The following SH3D19 variants were observed in gnomAD, a reference collection of about 807,000 sequenced individuals.
SH3D19 encodes SH3 domain-containing protein 19.
SH3D19 carries 58 observed loss-of-function variants against 112.1 expected under a neutral mutation model. That is an observed-to-expected ratio of 0.52 (90% confidence interval 0.42 to 0.64). The LOEUF (loss-of-function observed/expected upper bound fraction) is 0.64, where lower values mean the gene tolerates loss of function less well. Ranked by LOEUF, SH3D19 falls within the 30% of genes least tolerant of loss-of-function variation. SH3D19 has a pLI of 0.00. For synonymous variants in SH3D19, 391 were observed against 448.5 expected (o/e 0.87, Z 1.62); for missense variants, 1,090 against 1,263.4 (o/e 0.86, Z 2.08).
chr4:151,247,641 T>A (rs1268441837), intron 1 of SH3D19, among the ~76,000 whole-genome samples: 1 of 152,184 alleles, frequency 6.6e-6, no homozygotes, highest in Non-Finnish European at 1.5e-5. Context: ...GAAAGATCGC[T>A]TGTGCCCACT....
At chr4:151,134,608 G>C (rs1416445124) in intron 15 of SH3D19, among the ~76,000 whole-genome samples, 2 of 152,182 alleles carry the variant, frequency 1.3e-5, no homozygotes, top group Non-Finnish European at 2.9e-5. Context: ...AGTAAATGAT[G>C]AAACTATCTC....
chr4:151,139,414 A>C (rs953469580), intron 13 of SH3D19, among the ~76,000 whole-genome samples: 30 of 152,214 alleles, frequency 2.0e-4, no homozygotes, highest in African/African-American at 5.5e-4. Context: ...GGCCTCCCAA[A>C]GTGCTGGGAT....
intron 2 of SH3D19, among the ~76,000 whole-genome samples, chr4:151,214,405 TGGCCG>T (rs1766557141): frequency 6.4e-5 from 3 of 46,598 alleles, no homozygotes; most frequent in Non-Finnish European, 2.6e-4. Flanking sequence ...GACGGGGTGG[TGGCCG>T]GGCAGAGGCG....
At chr4:151,199,255 T>A (rs991033557) in intron 2 of SH3D19, among the ~76,000 whole-genome samples, 19 of 152,184 alleles carry the variant, frequency 1.2e-4, no homozygotes, top group Non-Finnish European at 2.6e-4. Context: ...AATGACTGAC[T>A]GTTCATTAGG....
intron 1 of SH3D19, among the ~76,000 whole-genome samples, chr4:151,322,011 A>G (rs1369997141): frequency 6.6e-6 from 1 of 152,204 alleles, no homozygotes; most frequent in Non-Finnish European, 1.5e-5. Flanking sequence ...GGATACCACC[A>G]TCAACAGTAA....
At chr4:151,153,747 G>A (rs1292580979) in intron 9 of SH3D19, among the ~76,000 whole-genome samples, 2 of 152,084 alleles carry the variant, frequency 1.3e-5, no homozygotes, top group Non-Finnish European at 2.9e-5. Context: ...ATTATGGTAT[G>A]CATTTATTAT....
Position 151,144,048 on chromosome 4 carries a change from A to T in SH3D19, c.2085T>A (p.Arg695=). The T allele has an allele frequency of 6.2e-7, 1 of 1,613,486 alleles. No homozygotes were observed. Among genetic ancestry groups the T allele is most frequent in the Non-Finnish European group, 8.5e-7 (1 of 1,179,784 alleles). The part of the protein sequence containing the change: ...PGHPLYSKYM[R]GDVLVMLKQT... ...GCTTCAGCATCACAAGTACATCCCC[A>T]CGCTGCAAGGTACAATACCACTCTC... The change falls in exon 12 of 20, where the codon CGT becomes CGA. Residue 695 remains arginine (R), a splice_region_variant and synonymous_variant. Transcript: ENST00000604030.
intron 9 of SH3D19, among the ~76,000 whole-genome samples, chr4:151,156,528 C>G (rs1275128294): frequency 6.6e-6 from 1 of 152,166 alleles, no homozygotes. Flanking sequence ...CACATATCTA[C>G]AGCCAATCGA....
intron 2 of SH3D19, among the ~76,000 whole-genome samples, chr4:151,219,279 T>C (rs1767645340): frequency 6.6e-6 from 1 of 152,164 alleles, no homozygotes; most frequent in African/African-American, 2.4e-5. Flanking sequence ...AGAATCCTAT[T>C]AGGTCAACTT....
At chr4:151,254,560 A>G (rs1384201148) in intron 1 of SH3D19, among the ~76,000 whole-genome samples, 8 of 146,966 alleles carry the variant, frequency 5.4e-5, no homozygotes. Context: ...CTGTTTAACA[A>G]AGCACATCTT....
chr4:151,258,271 G>C (rs538975244), intron 1 of SH3D19, among the ~76,000 whole-genome samples: 22 of 152,320 alleles, frequency 1.4e-4, no homozygotes, highest in African/African-American at 4.6e-4. Context: ...AAGGGAAAGA[G>C]AGAAAACACT....
intron 1 of SH3D19, among the ~76,000 whole-genome samples, chr4:151,285,505 T>C (rs1197818547): frequency 6.6e-6 from 1 of 152,210 alleles, no homozygotes; most frequent in Non-Finnish European, 1.5e-5. Context: ...TTAGGAAATA[T>C]TTTGAGATGA....
intron 9 of SH3D19, 75 bp from the exon 10 acceptor site, chr4:151,149,636 C>T (rs1754558372): frequency 7.5e-7 from 1 of 1,340,762 alleles, no homozygotes; most frequent in East Asian, 2.3e-5. Context: ...TTCTAGGCAA[C>T]CTTTTGGCTG....
chr4:151,229,035 A>ATT (rs34078148), intron 1 of SH3D19, among the ~76,000 whole-genome samples: 5,522 of 136,760 alleles, frequency 0.04, 310 homozygotes, highest in African/African-American at 0.13. Flanking sequence ...AGCTAATTAA[A>ATT]TTTTTTTTTT....
chr4:151,256,492 C>A (rs1013343019), intron 1 of SH3D19, among the ~76,000 whole-genome samples: 3 of 152,088 alleles, frequency 2.0e-5, no homozygotes, highest in Non-Finnish European at 4.4e-5. Flanking sequence ...CACAGAAATG[C>A]CTTAATCATG....
At chr4:151,236,720 T>G (rs1430126056) in intron 1 of SH3D19, among the ~76,000 whole-genome samples, 1 of 151,346 alleles carries the variant, frequency 6.6e-6, no homozygotes, top group Admixed American at 6.6e-5. Flanking sequence ...ACCAATCAGC[T>G]CTCTGTGTCT....
chr4:151,231,160 T>C (rs1431285695), intron 1 of SH3D19, among the ~76,000 whole-genome samples: 1 of 152,172 alleles, frequency 6.6e-6, no homozygotes, highest in Non-Finnish European at 1.5e-5. Context: ...AACAATGAAC[T>C]CATCCATTAT....
At chr4:151,318,930 C>T (rs190677953) in intron 1 of SH3D19, among the ~76,000 whole-genome samples, 3 of 152,300 alleles carry the variant, frequency 2.0e-5, no homozygotes, top group Admixed American at 2.0e-4. Context: ...AACAGTCTTA[C>T]CTTCCCTAAT....
chr4:151,238,860 A>AC (rs1274153545), intron 1 of SH3D19, among the ~76,000 whole-genome samples: 1 of 152,128 alleles, frequency 6.6e-6, no homozygotes, highest in African/African-American at 2.4e-5. Flanking sequence ...GTACAACACA[A>AC]CGTCTGTTGC....
Sources: allele counts gnomAD v4.1 joint callset (sites outside exome capture counted in the v4.1 genomes callset), GRCh38; gene constraint gnomAD v4.1.1; transcripts MANE v1.5; gene names NCBI Gene and HGNC (gene_info 2026-07-23, HGNC 2026-07-21).